KCNN3: variants seen among roughly 807,000 people sequenced by gnomAD.
KCNN3 encodes the protein potassium calcium-activated channel subfamily N member 3, also known as small conductance calcium-activated potassium channel protein 3.
A neutral mutation model predicts 62.9 loss-of-function variants in KCNN3; 16 were observed. The ratio of observed to expected loss-of-function variants is 0.25; its 90% confidence interval spans 0.17 to 0.39. The LOEUF is 0.39. Among genes scored for constraint, KCNN3 ranks in the 10% least tolerant of loss-of-function variants. KCNN3 has a pLI of 1.00. For synonymous variants in KCNN3, 370 were observed against 389.2 expected (o/e 0.95, Z 0.58); for missense variants, 599 against 949.4 (o/e 0.63, Z 4.85).
chr1:154,761,673 T>C (rs750959002), intron 3 of KCNN3, among the ~76,000 whole-genome samples: 1 of 151,800 alleles, frequency 6.6e-6, no homozygotes, highest in Non-Finnish European at 1.5e-5. Flanking sequence ...GCGCGGTGGC[T>C]CACGCCTGTA....
Position 154,700,579 on chromosome 1 carries a change from G to A in KCNN3, c.*7397C>T, listed in dbSNP as rs1216218640. On this transcript the variant is annotated 3_prime_UTR_variant, in exon 8 of 8. Coordinates refer to ENST00000271915, the MANE Select transcript of KCNN3 (RefSeq NM_002249.6). Reference sequence around the variant, plus strand: ...TCACTTTGGGAGGCCCAGGCAGGTGGATCACGAGGTCAGGAGATCGAGACC... The same window carrying A: ...TCACTTTGGGAGGCCCAGGCAGGTGAATCACGAGGTCAGGAGATCGAGACC... The A allele has an allele frequency of 6.6e-6, 1 of 152,276 alleles. No homozygotes were observed. The highest frequency in any genetic ancestry group is 1.5e-5 in the Non-Finnish European group (1 of 68,108). 9.4% of individuals were successfully genotyped at this position (152,276 alleles called of 1,614,324 possible).
chr1:154,769,143 G>C (rs1027374524), intron 3 of KCNN3, among the ~76,000 whole-genome samples: 1 of 152,106 alleles, frequency 6.6e-6, no homozygotes, highest in African/African-American at 2.4e-5. Flanking sequence ...ATGACATGTT[G>C]CTTCACCCAA....
At chr1:154,754,159 C>T (rs964083440) in intron 3 of KCNN3, among the ~76,000 whole-genome samples, 2 of 152,114 alleles carry the variant, frequency 1.3e-5, no homozygotes, top group Non-Finnish European at 2.9e-5. Context: ...AAAATATGGA[C>T]TTAATCTTCT....
chr1:154,778,010 T>C (rs1258230108), intron 2 of KCNN3, among the ~76,000 whole-genome samples: 1 of 152,242 alleles, frequency 6.6e-6, no homozygotes, highest in Non-Finnish European at 1.5e-5. Context: ...ATTTCACTCA[T>C]TGAGGGTATG....
At chr1:154,856,952 G>A (rs973026141) in intron 1 of KCNN3, among the ~76,000 whole-genome samples, 6 of 152,132 alleles carry the variant, frequency 3.9e-5, no homozygotes, top group African/African-American at 7.2e-5. Flanking sequence ...GGGAGCAGAC[G>A]GAGGCGTGGG....
intron 1 of KCNN3, chr1:154,859,716 T>C (rs1274302397): frequency 6.2e-7 from 1 of 1,614,182 alleles, no homozygotes; most frequent in Non-Finnish European, 8.5e-7. Context: ...TCTCCATCTA[T>C]AACCTGAAGC....
chr1:154,734,468 C>T (rs1474379993), intron 3 of KCNN3, among the ~76,000 whole-genome samples: 1 of 152,198 alleles, frequency 6.6e-6, no homozygotes, highest in Non-Finnish European at 1.5e-5. Context: ...CCGGGACAGG[C>T]CTAGTACAAG....
Position 154,790,177 on chromosome 1 carries a change from C to T in KCNN3, c.1030-17784G>A, listed in dbSNP as rs149223411. On this transcript the variant is annotated intron_variant, in intron 2 of 7. Coordinates refer to ENST00000271915, the MANE Select transcript of KCNN3 (RefSeq NM_002249.6). ...AACTCCTGATCTCAGGTGATCTGCC[C>T]GCCTCGGCCTCCCAAAGTGCTGGGA... Among the ~76,000 whole-genome samples the T allele has an allele frequency of 5.5e-3, 840 of 152,218 alleles. 5 individuals carry two copies. Among genetic ancestry groups the T allele is most frequent in the African/African-American group, 0.019 (789 of 41,522 alleles).
rs1342735519 is a variant in KCNN3, at chr1:154,772,832, T to A, written c.1030-439A>T. On this transcript the variant is annotated intron_variant, in intron 2 of 7. Transcript: ENST00000271915. This position sits in a 1 kb window ranked among gnomAD's most constrained non-coding sequence, Gnocchi z 5.6. ...CAGGGTGGCCTCAGGATGGCGCTGG[T>A]TGCCAGGGGAACCAATCTGGTGATG... is the stretch of plus-strand genomic sequence containing the variant. Among the ~76,000 whole-genome samples, 1 of 152,080 alleles carries A rather than the reference T, an allele frequency of 6.6e-6. No homozygotes were observed. The highest frequency in any genetic ancestry group is 1.5e-5 in the Non-Finnish European group (1 of 68,004).
At chr1:154,828,914 C>T (rs938660697) in intron 1 of KCNN3, among the ~76,000 whole-genome samples, 4 of 152,220 alleles carry the variant, frequency 2.6e-5, no homozygotes, top group African/African-American at 9.7e-5. Flanking sequence ...ATCCGCATAG[C>T]CAAACATTCA....
chr1:154,843,831 G>A (rs1278643760), intron 1 of KCNN3, among the ~76,000 whole-genome samples: 2 of 152,336 alleles, frequency 1.3e-5, no homozygotes, highest in Admixed American at 6.5e-5. Flanking sequence ...CAAGACAGAC[G>A]TTTGGAGAAA....
intron 3 of KCNN3, among the ~76,000 whole-genome samples, chr1:154,743,430 G>A (rs1328707958): frequency 2.0e-5 from 3 of 152,126 alleles, no homozygotes; most frequent in Non-Finnish European, 4.4e-5. Context: ...CCAACCTGGG[G>A]GCCTCTCTGA....
intron 3 of KCNN3, among the ~76,000 whole-genome samples, chr1:154,758,821 T>TTTTTGA (rs1647864269): frequency 7.6e-6 from 1 of 132,060 alleles, no homozygotes; most frequent in African/African-American, 2.6e-5. Context: ...TTTGTTTTTG[T>TTTTTGA]TTTTGAGATG....
chr1:154,835,742 T>A (rs553017443), intron 1 of KCNN3, among the ~76,000 whole-genome samples: 83 of 152,306 alleles, frequency 5.4e-4, no homozygotes, highest in African/African-American at 1.9e-3. Context: ...GTGTCCTGGA[T>A]GTCAGTTTAG....
chr1:154,861,422 T>C (rs1347566928), intron 1 of KCNN3, among the ~76,000 whole-genome samples: 1 of 151,996 alleles, frequency 6.6e-6, no homozygotes, highest in Non-Finnish European at 1.5e-5. Flanking sequence ...GCCCAAAGCC[T>C]CTCCAGACGA....
intron 2 of KCNN3, among the ~76,000 whole-genome samples, chr1:154,800,918 G>A (rs562163942): frequency 5.3e-5 from 8 of 152,174 alleles, no homozygotes; most frequent in South Asian, 2.1e-4. Context: ...GATTGTGCGC[G>A]CCTGTAGTCC....
chr1:154,791,428 G>A (rs1370123414), intron 2 of KCNN3, among the ~76,000 whole-genome samples: 1 of 152,094 alleles, frequency 6.6e-6, no homozygotes, highest in Non-Finnish European at 1.5e-5. Flanking sequence ...GGTGGGATGG[G>A]TGATCGGCTG....
chr1:154,824,080 G>GA (rs1174361194), intron 1 of KCNN3, among the ~76,000 whole-genome samples: 1 of 152,202 alleles, frequency 6.6e-6, no homozygotes, highest in Non-Finnish European at 1.5e-5. Context: ...CATTTGCTGA[G>GA]CACTTGCTAG....
chr1:154,806,306 G>A (rs1227563418), intron 2 of KCNN3, among the ~76,000 whole-genome samples: 2 of 152,184 alleles, frequency 1.3e-5, no homozygotes, highest in African/African-American at 4.8e-5. Context: ...ACCAGCAAAG[G>A]GCTGGATTTG....
Sources: gnomAD v4.1 joint callset for allele counts (sites outside exome capture counted in the v4.1 genomes callset) on GRCh38, gnomAD v4.1.1 for gene constraint, Gnocchi (gnomAD v3.1) non-coding constraint, MANE v1.5 for transcripts, NCBI Gene and HGNC (gene_info 2026-07-23, HGNC 2026-07-21) for gene names.